The following REC8 variants were observed in gnomAD, a reference collection of about 807,000 sequenced individuals.
REC8 encodes meiotic recombination protein REC8 homolog.
A neutral mutation model predicts 78.3 loss-of-function variants in REC8; 42 were observed. That is an observed-to-expected ratio of 0.54 (90% CI 0.42 to 0.69). REC8 has a LOEUF of 0.69. Ranked by LOEUF, REC8 falls within the 30% of genes least tolerant of loss-of-function variation. The pLI is 0.00. For missense variants in REC8, 581 were observed against 715.8 expected, an observed-to-expected ratio of 0.81 and a Z score of 2.15; for synonymous variants, 268 against 274.1, an observed-to-expected ratio of 0.98 and a Z score of 0.22.
At chr14:24,179,493 G>A in intron 16 of REC8, 30 bp downstream of exon 16, 2 of 1,613,586 alleles carry the variant, frequency 1.2e-6, no homozygotes, top group Admixed American at 1.7e-5. Flanking sequence ...GGGAGCCAGG[G>A]CCCACAGCCC....
chr14:24,180,806 G>C, downstream of REC8: 1 of 1,567,060 alleles, frequency 6.4e-7, no homozygotes. Flanking sequence ...CAGACCCCAG[G>C]TCTAGGAGGG....
chr14:24,175,588 AT>A lies in REC8; in HGVS notation c.509del (p.Ile170ThrfsTer55), dbSNP rs763714594. 6.2e-7 allele frequency: 1 copy of A among 1,614,038 alleles called. No homozygotes were observed. Among genetic ancestry groups the A allele is most frequent in the South Asian group, 1.1e-5 (1 of 91,084 alleles). ...EAAIPERVEE[I>X]PPEVPTEPRE... ...TGCAATCCCAGAGAGAGTTGAAGAG[AT>A]CCCTCCTGAAGTTCCTACAGAGCCC... On this transcript the variant is annotated frameshift_variant, in exon 6 of 19. Transcript: ENST00000611366. LOFTEE classifies it high-confidence loss of function.
At chr14:24,172,661 C>T (rs2038716486) in intron 1 of REC8, 52 bp from the exon 2 acceptor site, 1 of 1,613,120 alleles carries the variant, frequency 6.2e-7, no homozygotes. Context: ...GGGATCCCAG[C>T]CTGACAGCTC....
chr14:24,173,156 A>G lies in REC8; in HGVS notation c.299A>G (p.His100Arg). The G allele has an allele frequency of 6.2e-7, 1 of 1,614,106 alleles. No individual in the cohort carries two copies. The highest frequency in any genetic ancestry group is 8.5e-7 in the Non-Finnish European group (1 of 1,180,016). The change falls in exon 4 of 19, where the codon CAC becomes CGC. Residue 100 changes from histidine to arginine, a missense_variant. By Grantham distance (29) the His-to-Arg change is conservative. Transcript: ENST00000611366. ...EDIQHILERL[H>R]RAQLQIRIDM... The stretch of plus-strand genomic sequence containing the variant: ...ATCCAGCACATCTTGGAGCGCCTCC[A>G]CCGTGCCCAGCTGCAGATCCGAATA...
chr14:24,180,852 G>T (rs1465882961), downstream of REC8: 1 of 1,012,222 alleles, frequency 9.9e-7, no homozygotes, highest in East Asian at 2.6e-5. Context: ...TCTCTTATCA[G>T]GGGGGTGGTT....
chr14:24,177,884 C>T (rs1019840123), intron 11 of REC8, 126 bp downstream of exon 11: 49 of 1,469,080 alleles, frequency 3.3e-5, no homozygotes, highest in Non-Finnish European at 4.2e-5. Context: ...AAAGATGCCC[C>T]TTTCTACGCC....
In REC8 at chr14:24,172,561, C is replaced by G. The variant is rs772199881; in HGVS notation, c.9C>G (p.Tyr3Ter). The G allele has an allele frequency of 6.2e-7, 1 of 1,612,672 alleles. No individual in the cohort carries two copies. Among genetic ancestry groups the G allele is most frequent in the South Asian group, 1.1e-5 (1 of 90,930 alleles). The change falls in exon 1 of 19, where the codon TAC becomes TAG. Residue 3 changes from tyrosine (Y) to a stop codon, truncating the protein, a stop_gained. Coordinates refer to ENST00000611366, the MANE Select transcript of REC8 (RefSeq NM_001048205.2). LOFTEE classifies it high-confidence loss of function. MF[Y>*]YPNVLQRHTG... ...GAAAGACCAGAGGGACAATGTTCTA[C>G]TATCCCAACGTGCTTCAGCGCCACA...
chr14:24,173,456 G>T, intron 5 of REC8, 45 bp downstream of exon 5: 4 of 1,609,260 alleles, frequency 2.5e-6, no homozygotes, highest in Non-Finnish European at 2.5e-6. Flanking sequence ...ATGCAGAAGG[G>T]GAGTGCTGTC....
At chr14:24,174,940 C>G (rs138194479) in intron 5 of REC8, among the ~76,000 whole-genome samples, 1 of 151,820 alleles carries the variant, frequency 6.6e-6, no homozygotes, top group African/African-American at 2.4e-5. Context: ...GATCAAGAAT[C>G]TTTTCTGTTC....
At chr14:24,178,704 C>T in intron 13 of REC8, 32 bp downstream of exon 13, 2 of 1,613,738 alleles carry the variant, frequency 1.2e-6, no homozygotes, top group Non-Finnish European at 1.7e-6. Context: ...CACGAAGTAT[C>T]CTCAAAACCA....
rs1457555574 is a variant in REC8 at position 24,175,739 on chromosome 14, T to G, written c.544+115T>G. ...TTGTGAGGGGCGCTTTTTTTTTTTT[T>G]CGAGGCAGAGTCTCACTCTGTTGCC... On this transcript the variant is annotated intron_variant, in intron 6 of 18. Transcript: ENST00000611366. The G allele has an allele frequency of 1.6e-5, 11 of 689,884 alleles. No homozygotes were observed. In the East Asian group the frequency reaches 2.7e-4, roughly 17 times the overall value. 42.7% of individuals were successfully genotyped at this position (689,884 alleles called of 1,614,324 possible).
chr14:24,173,459 G>C, intron 5 of REC8, 48 bp downstream of exon 5: 1 of 1,607,868 alleles, frequency 6.2e-7, no homozygotes, highest in South Asian at 1.1e-5. Flanking sequence ...CAGAAGGGGA[G>C]TGCTGTCCCT....
intron 7 of REC8, 84 bp downstream of exon 7, chr14:24,176,985 T>C: frequency 7.3e-7 from 1 of 1,371,738 alleles, no homozygotes; most frequent in Non-Finnish European, 1.0e-6. Flanking sequence ...CTTTTCTGTC[T>C]CCATTTCCCT....
chr14:24,178,927 C>G lies in REC8; in HGVS notation c.1203+11C>G. The G allele has an allele frequency of 1.2e-6, 2 of 1,612,710 alleles. No individual in the cohort carries two copies. The highest frequency in any genetic ancestry group is 1.7e-6 in the Non-Finnish European group (2 of 1,179,622). On this transcript the variant is annotated intron_variant, in intron 14 of 18. Coordinates refer to ENST00000611366, the MANE Select transcript of REC8 (RefSeq NM_001048205.2). ...CCAAGTGAGATTGAGGTAACTGCACCACCTGTTTACTGCATCGCCCCAGTG... is the reference window on the plus strand; with the variant it reads ...CCAAGTGAGATTGAGGTAACTGCACGACCTGTTTACTGCATCGCCCCAGTG...
At chr14:24,175,765 C>T (rs2038868218) in intron 6 of REC8, 141 bp downstream of exon 6, 3 of 626,816 alleles carry the variant, frequency 4.8e-6, no homozygotes, top group Non-Finnish European at 8.4e-6. Context: ...CTCTGTTGCC[C>T]AGGCTACAGT....
downstream of REC8, chr14:24,180,627 GCT>G: frequency 6.2e-7 from 1 of 1,612,392 alleles, no homozygotes; most frequent in Non-Finnish European, 8.5e-7. Context: ...GCTGCCCCAG[GCT>G]CTCTGAGCCC....
At chr14:24,180,509 T>C, downstream of REC8, 9 of 1,614,016 alleles carry the variant, frequency 5.6e-6, no homozygotes, top group Non-Finnish European at 7.6e-6. Context: ...CAGAGCTGCT[T>C]GAAAGCTGTC....
chr14:24,173,086 C>T (rs374576793), intron 3 of REC8, 40 bp from the exon 4 acceptor site: 25 of 1,612,522 alleles, frequency 1.6e-5, no homozygotes, highest in Middle Eastern at 1.6e-4. Context: ...GAGCAGCTGT[C>T]TGCTAAGCTG....
At chr14:24,178,710 A>G (rs762455974) in intron 13 of REC8, 38 bp downstream of exon 13, 2 of 1,613,488 alleles carry the variant, frequency 1.2e-6, no homozygotes, top group South Asian at 1.1e-5. Flanking sequence ...GTATCCTCAA[A>G]ACCAATTCCT....
Sources: allele counts gnomAD v4.1 joint callset (sites outside exome capture counted in the v4.1 genomes callset), GRCh38; gene constraint gnomAD v4.1.1; transcripts MANE v1.5; gene names NCBI Gene and HGNC (gene_info 2026-07-23, HGNC 2026-07-21).